DEPDC5: variants seen among roughly 807,000 people sequenced by gnomAD.
DEPDC5 encodes the protein DEP domain containing 5, GATOR1 subcomplex subunit.
DEPDC5 carries 73 observed loss-of-function variants against 217.3 expected under a neutral mutation model. That is an observed-to-expected ratio of 0.34 (90% CI 0.28 to 0.41). DEPDC5 has a LOEUF of 0.41. Ranked by LOEUF, DEPDC5 falls within the 10% of genes least tolerant of loss-of-function variation. The probability of loss-of-function intolerance (pLI) is 1.00; values close to 1 mark genes in which losing one functional copy is unlikely to be tolerated. For missense variants in DEPDC5, 1,675 were observed against 2,070.1 expected (o/e 0.81, Z 3.70); for synonymous variants, 733 against 756.7 (o/e 0.97, Z 0.51).
At position 31,804,913 on chromosome 22, in the gene DEPDC5, C is replaced by T. The variant is rs1008203650; in HGVS notation, c.1215C>T (p.His405=). The change falls in exon 17 of 43, where the codon CAC becomes CAT. Residue 405 remains histidine, a splice_region_variant and synonymous_variant. Coordinates refer to ENST00000651528, the MANE Select transcript of DEPDC5 (RefSeq NM_001242896.3). The part of the protein sequence containing the change: ...DDYNIPHWIN[H]SFYTSKSQLF... ...ATAATATCCCTCACTGGATAAACCA[C>T]AGGTGGGTGCGATCTCGATCAATAG... The T allele has an allele frequency of 1.9e-6, 3 of 1,613,390 alleles. No individual in the cohort carries two copies. Among genetic ancestry groups the T allele is most frequent in the Non-Finnish European group, 2.5e-6 (3 of 1,179,524 alleles).
chr22:31,895,964 ACT>A (rs915778574), intron 39 of DEPDC5, among the ~76,000 whole-genome samples: 1 of 151,518 alleles, frequency 6.6e-6, no homozygotes, highest in Non-Finnish European at 1.5e-5. Flanking sequence ...GGTAAAACTA[ACT>A]CTCTGACCCA....
chr22:31,789,582 A>G (rs537715802), intron 10 of DEPDC5, among the ~76,000 whole-genome samples: 50 of 152,342 alleles, frequency 3.3e-4, no homozygotes, highest in African/African-American at 1.2e-3. Context: ...AATGTATTAA[A>G]TGTCACGATG....
At chr22:31,882,801 A>G (rs550927891) in intron 38 of DEPDC5, among the ~76,000 whole-genome samples, 1 of 150,744 alleles carries the variant, frequency 6.6e-6, no homozygotes, top group South Asian at 2.1e-4. Flanking sequence ...TCTTCTTTTT[A>G]AAAATAGAGA....
At chr22:31,836,371 G>T (rs1396846941) in intron 25 of DEPDC5, among the ~76,000 whole-genome samples, 1 of 152,244 alleles carries the variant, frequency 6.6e-6, no homozygotes, top group Non-Finnish European at 1.5e-5. Context: ...GGTCAGGACT[G>T]CTCTGCTAAC....
intron 6 of DEPDC5, among the ~76,000 whole-genome samples, chr22:31,768,136 T>G (rs1429722342): frequency 6.6e-6 from 1 of 151,796 alleles, no homozygotes; most frequent in East Asian, 1.9e-4. Context: ...ACAGGTGGTG[T>G]TTGGTTATAT....
intron 4 of DEPDC5, among the ~76,000 whole-genome samples, chr22:31,761,662 C>CAAAAA (rs532267383): frequency 1.0e-5 from 1 of 97,472 alleles, no homozygotes. Context: ...GACCCTATCT[C>CAAAAA]AAAAAAAAAA....
At chr22:31,787,861 T>C (rs2085177218) in intron 10 of DEPDC5, among the ~76,000 whole-genome samples, 1 of 147,006 alleles carries the variant, frequency 6.8e-6, no homozygotes, top group African/African-American at 2.5e-5. Flanking sequence ...ACCCACAGAA[T>C]GGGAGAAAAT....
At chr22:31,811,971 A>G (rs2088409156) in intron 20 of DEPDC5, among the ~76,000 whole-genome samples, 1 of 151,982 alleles carries the variant, frequency 6.6e-6, no homozygotes, top group African/African-American at 2.4e-5. Context: ...CAAATACTTT[A>G]TAGTCTTGGC....
intron 10 of DEPDC5, 183 bp downstream of exon 10, chr22:31,785,058 C>G: frequency 1.8e-6 from 1 of 546,590 alleles, no homozygotes; most frequent in South Asian, 2.4e-5. Flanking sequence ...AAGCTAACAT[C>G]ACACTCAATG....
chr22:31,772,369 T>C (rs2083439119), intron 7 of DEPDC5, among the ~76,000 whole-genome samples: 1 of 152,122 alleles, frequency 6.6e-6, no homozygotes. Context: ...AGCAGATCTC[T>C]ACTGGATGGG....
chr22:31,820,758 A>G (rs2089616225), intron 22 of DEPDC5, among the ~76,000 whole-genome samples: 1 of 152,144 alleles, frequency 6.6e-6, no homozygotes, highest in Non-Finnish European at 1.5e-5. Flanking sequence ...TATTGGAACC[A>G]TATTCTGCAA....
At chr22:31,829,026 C>G (rs1383237565) in intron 24 of DEPDC5, among the ~76,000 whole-genome samples, 1 of 152,158 alleles carries the variant, frequency 6.6e-6, no homozygotes, top group Non-Finnish European at 1.5e-5. Context: ...CAGAATTCCC[C>G]CTGCCCCTCA....
intron 3 of DEPDC5, among the ~76,000 whole-genome samples, chr22:31,760,070 CTTT>C (rs143845210): frequency 7.1e-6 from 1 of 140,286 alleles, no homozygotes; most frequent in Non-Finnish European, 1.6e-5. Context: ...TTCTTTGTTT[CTTT>C]TTTTTTTTTT....
At chr22:31,790,751 T>G (rs1487576974) in intron 10 of DEPDC5, among the ~76,000 whole-genome samples, 2 of 146,358 alleles carry the variant, frequency 1.4e-5, no homozygotes, top group Non-Finnish European at 3.0e-5. Flanking sequence ...TTTTTTCTTT[T>G]TTTTTTTTTT....
chr22:31,906,625 T>C lies in DEPDC5; in HGVS notation c.*128T>C, dbSNP rs2093764410. 8.2e-7 allele frequency: 1 copy of C among 1,222,170 alleles called. No homozygotes were observed. The highest frequency in any genetic ancestry group is 1.1e-6 in the Non-Finnish European group (1 of 878,426). The allele number at this position is 1,222,170 out of a possible 1,614,324, so 75.7% of individuals were successfully genotyped here. On this transcript the variant is annotated 3_prime_UTR_variant, in exon 43 of 43. Transcript: ENST00000651528. The surrounding 1 kb of genome is among the most constrained non-coding windows in gnomAD (Gnocchi z 5.1). ...GCTATCAGTGAGTGGGGGCCATTGT[T>C]TTTTGTTTGTTTGTTTGTTTGTTTG...
chr22:31,861,395 C>T lies in DEPDC5; in HGVS notation c.3292C>T (p.Arg1098Cys), dbSNP rs777509933. The change falls in exon 33 of 43, where the codon CGC becomes TGC. Residue 1098 changes from arginine to cysteine, a missense_variant. Physicochemically the swap from Arg to Cys is radical, Grantham distance 180 (BLOSUM62 -3). Around this residue, in one of 11 missense-constraint regions of DEPDC5, gnomAD observed 126 missense variants for 113.8 expected, o/e 1.11. Transcript: ENST00000651528. ...CGGGGCCTTCTTTATGGAGTTTGTCCGCAGCCCACGCACAGCATCGTCCGC... is the reference window on the plus strand; with the variant it reads ...CGGGGCCTTCTTTATGGAGTTTGTCTGCAGCCCACGCACAGCATCGTCCGC... ...KDGAFFMEFVRSPRTASSAFY... is the reference protein window; with the variant it reads ...KDGAFFMEFVCSPRTASSAFY... 3.9e-6 allele frequency: 6 copies of T among 1,551,474 alleles called. No individual in the cohort carries two copies. The highest frequency in any genetic ancestry group is 3.6e-5 in the South Asian group (3 of 84,050).
rs2087311378 is a variant in DEPDC5, at chr22:31,804,780, AG to A, written c.1144-61del. 2.6e-6 allele frequency: 4 copies of A among 1,526,424 alleles called. No individual in the cohort carries two copies. In the South Asian group the frequency reaches 4.6e-5, roughly 17 times the overall value. The allele number at this position is 1,526,424 out of a possible 1,614,324, so 94.6% of individuals were successfully genotyped here. On this transcript the variant is annotated intron_variant, in intron 16 of 42. Transcript: ENST00000651528. ...TAAAAACCTGAAAAACAGAAAAGTT[AG>A]AGCAGTTCCAAAACCTACTTGTTCT...
chr22:31,855,531 A>C (rs570576730), intron 31 of DEPDC5, among the ~76,000 whole-genome samples: 5 of 151,532 alleles, frequency 3.3e-5, no homozygotes, highest in African/African-American at 1.2e-4. Flanking sequence ...CGCCCGCCAC[A>C]ACGCCCGGCT....
At chr22:31,887,642 C>T (rs1254187991) in intron 38 of DEPDC5, among the ~76,000 whole-genome samples, 3 of 152,112 alleles carry the variant, frequency 2.0e-5, no homozygotes, top group East Asian at 3.9e-4. Flanking sequence ...CTGTGGTTTC[C>T]ATAGTTGTTA....
Sources: allele counts gnomAD v4.1 joint callset (sites outside exome capture counted in the v4.1 genomes callset), GRCh38; gene constraint gnomAD v4.1.1; regional missense constraint gnomAD v4.1.1; non-coding constraint Gnocchi (gnomAD v3.1); transcripts MANE v1.5; gene names NCBI Gene and HGNC (gene_info 2026-07-23, HGNC 2026-07-21).